Variants in NTN1 observed in about 807,000 individuals in gnomAD.
NTN1 encodes netrin-1.
Under a neutral mutation model 54.2 loss-of-function variants are expected in NTN1, and 11 were observed. That is an observed-to-expected ratio of 0.20 (90% CI 0.13 to 0.34). NTN1 has a LOEUF of 0.34. NTN1 is among the 10% of genes least tolerant of loss of function. The pLI is 1.00. For missense variants in NTN1, 740 were observed against 893.1 expected, an observed-to-expected ratio of 0.83 and a Z score of 2.18; for synonymous variants, 371 against 382.0, an observed-to-expected ratio of 0.97 and a Z score of 0.33.
At chr17:9,003,541 G>T in the NTN1 span, among the ~76,000 whole-genome samples, 1 of 148,474 alleles carries the variant, frequency 6.7e-6, no homozygotes, top group Non-Finnish European at 1.5e-5. The surrounding 1 kb of genome is among the most constrained non-coding windows in gnomAD (Gnocchi z 7.4). Flanking sequence ...CCCCGCGGTC[G>T]CGCACGGTCA....
intron 2 of NTN1, among the ~76,000 whole-genome samples, chr17:9,072,188 CA>C (rs1303398132): frequency 4.0e-5 from 6 of 151,784 alleles, no homozygotes; most frequent in Non-Finnish European, 5.9e-5. Context: ...TCCTTAGCCC[CA>C]GCTTTCCAGC....
At chr17:9,102,523 C>A (rs532134152) in intron 2 of NTN1, among the ~76,000 whole-genome samples, 16 of 152,330 alleles carry the variant, frequency 1.1e-4, no homozygotes, top group African/African-American at 3.8e-4. Flanking sequence ...AACGACAATT[C>A]AAGATGAGAT....
At chr17:9,069,742 A>C (rs943819771) in intron 2 of NTN1, among the ~76,000 whole-genome samples, 1 of 152,184 alleles carries the variant, frequency 6.6e-6, no homozygotes, top group Non-Finnish European at 1.5e-5. Context: ...ACAAGGTGGC[A>C]GGGGCTTCCA....
rs1169509801 is a variant in NTN1, at chr17:9,165,699, A to G, written c.1207+2698A>G. On this transcript the variant is annotated intron_variant, in intron 3 of 6. Coordinates refer to ENST00000173229, the MANE Select transcript of NTN1 (RefSeq NM_004822.3). This position sits in a 1 kb window ranked among gnomAD's most constrained non-coding sequence, Gnocchi z 4.5. ...GGAGGAATGACAGTGTTTCAAGGAA[A>G]CTGCCATCAGATTGGTGAAGAAAGA... Among the ~76,000 whole-genome samples the G allele has an allele frequency of 6.6e-6, 1 of 152,176 alleles. No homozygotes were observed. The highest frequency in any genetic ancestry group is 2.4e-5 in the African/African-American group (1 of 41,448).
intron 5 of NTN1, among the ~76,000 whole-genome samples, chr17:9,194,681 C>G (rs1904575019): frequency 6.6e-6 from 1 of 152,126 alleles, no homozygotes; most frequent in African/African-American, 2.4e-5. Context: ...ACAGAGGAGC[C>G]TCTGGCTAAG....
chr17:9,227,285 G>A (rs1471854444), intron 6 of NTN1, among the ~76,000 whole-genome samples: 3 of 147,174 alleles, frequency 2.0e-5, no homozygotes, highest in South Asian at 2.2e-4. Flanking sequence ...CCACATGCAC[G>A]CATACACACA....
At chr17:9,051,479 C>T (rs897148537) in intron 2 of NTN1, among the ~76,000 whole-genome samples, 9 of 152,228 alleles carry the variant, frequency 5.9e-5, no homozygotes, top group African/African-American at 2.2e-4. Flanking sequence ...ATTCCAACCC[C>T]TCTCCACTTT....
intron 6 of NTN1, among the ~76,000 whole-genome samples, chr17:9,228,820 C>CTGTGTGTGTGTGTGTGTGTG (rs10641432): frequency 5.7e-5 from 8 of 141,304 alleles, no homozygotes; most frequent in African/African-American, 1.9e-4. Context: ...ATCTGTTCAG[C>CTGTGTGTGTGTGTGTGTGTG]TGTGTGTGTG....
chr17:9,193,944 A>AAAAAAAAC (rs58978033), intron 5 of NTN1, among the ~76,000 whole-genome samples: 2 of 128,994 alleles, frequency 1.6e-5, no homozygotes, highest in African/African-American at 2.7e-5. Context: ...AAAAAAAAAA[A>AAAAAAAAC]CATTATGCAG....
chr17:9,200,373 A>G lies in NTN1; in HGVS notation c.1411+17404A>G, dbSNP rs192550990. Reference sequence around the variant, plus strand: ...TGCAGCGCCCGAATGGCTTCAGCTTATTAAAGGCGAATACACAGGATAACT... The same window carrying G: ...TGCAGCGCCCGAATGGCTTCAGCTTGTTAAAGGCGAATACACAGGATAACT... On this transcript the variant is annotated intron_variant, in intron 5 of 6. Transcript: ENST00000173229. 3.3e-5 allele frequency among the ~76,000 whole-genome samples: 5 copies of G among 152,386 alleles called. 1 individual carries two copies. In the East Asian group the frequency reaches 7.7e-4, roughly 23 times the overall value.
At chr17:9,201,535 T>C (rs1904785109) in intron 5 of NTN1, among the ~76,000 whole-genome samples, 1 of 152,196 alleles carries the variant, frequency 6.6e-6, no homozygotes, top group Admixed American at 6.5e-5. Context: ...CAGGAGCTGG[T>C]GCATGTTGGC....
At chr17:9,180,931 G>T (rs546012039) in intron 4 of NTN1, among the ~76,000 whole-genome samples, 1 of 152,316 alleles carries the variant, frequency 6.6e-6, no homozygotes, top group East Asian at 1.9e-4. Flanking sequence ...ATTCTGCAAG[G>T]TGAACATTTT....
At chr17:9,060,076 T>C (rs2091991818) in intron 2 of NTN1, among the ~76,000 whole-genome samples, 1 of 152,172 alleles carries the variant, frequency 6.6e-6, no homozygotes, top group Admixed American at 6.5e-5. Context: ...GTAGGATACA[T>C]AATGATAAGC....
intron 2 of NTN1, among the ~76,000 whole-genome samples, chr17:9,155,949 C>T (rs1463240217): frequency 2.0e-5 from 3 of 152,156 alleles, no homozygotes; most frequent in Non-Finnish European, 4.4e-5. Flanking sequence ...AAATTGCCAC[C>T]GGTTGAGAAC....
the NTN1 span, among the ~76,000 whole-genome samples, chr17:9,003,356 G>A: frequency 1.3e-5 from 2 of 151,824 alleles, no homozygotes; most frequent in African/African-American, 4.8e-5. This position sits in a 1 kb window ranked among gnomAD's most constrained non-coding sequence, Gnocchi z 7.4. Context: ...CATCCCGGGC[G>A]GTGCGTGGAA....
chr17:9,107,426 T>C (rs544050249), intron 2 of NTN1, among the ~76,000 whole-genome samples: 1 of 152,336 alleles, frequency 6.6e-6, no homozygotes, highest in South Asian at 2.1e-4. Context: ...GGGCACTTAC[T>C]CCCCGGTTAT....
chr17:9,076,548 A>T (rs545794437), intron 2 of NTN1, among the ~76,000 whole-genome samples: 4 of 151,806 alleles, frequency 2.6e-5, no homozygotes, highest in Admixed American at 6.6e-5. Flanking sequence ...AATTTTTCAA[A>T]TTTTTTTGTG....
intron 2 of NTN1, among the ~76,000 whole-genome samples, chr17:9,054,141 A>G (rs1039484489): frequency 6.6e-6 from 1 of 152,220 alleles, no homozygotes; most frequent in African/African-American, 2.4e-5. Flanking sequence ...CGGACAGTGA[A>G]CACGATTCTC....
At chr17:9,042,202 G>A (rs1014526169) in intron 2 of NTN1, among the ~76,000 whole-genome samples, 8 of 152,084 alleles carry the variant, frequency 5.3e-5, no homozygotes, top group African/African-American at 1.9e-4. Flanking sequence ...GTGTGAAGGG[G>A]TATCTTGTTG....
Sources: allele counts gnomAD v4.1 joint callset (sites outside exome capture counted in the v4.1 genomes callset), GRCh38; gene constraint gnomAD v4.1.1; non-coding constraint Gnocchi (gnomAD v3.1); transcripts MANE v1.5; gene names NCBI Gene and HGNC (gene_info 2026-07-23, HGNC 2026-07-21).